Variants in SLC41A2 observed in about 807,000 individuals in gnomAD.
SLC41A2 encodes the protein solute carrier family 41 member 2.
Under a neutral mutation model 58.3 loss-of-function variants are expected in SLC41A2, and 32 were observed. That is an observed-to-expected ratio of 0.55 (90% CI 0.41 to 0.74). The LOEUF is 0.74. Ranked by LOEUF, SLC41A2 falls within the 30% of genes least tolerant of loss-of-function variation. The pLI, the probability that SLC41A2 is intolerant of heterozygous loss-of-function variation, is 0.00. For missense variants in SLC41A2, 514 were observed against 680.6 expected (o/e 0.76, Z 2.72); for synonymous variants, 190 against 235.0 (o/e 0.81, Z 1.75).
intron 1 of SLC41A2, among the ~76,000 whole-genome samples, chr12:104,953,499 T>C (rs1441849844): frequency 6.6e-6 from 1 of 152,236 alleles, no homozygotes; most frequent in Non-Finnish European, 1.5e-5. Context: ...GGTCAACTGT[T>C]CAGACAGGCT....
chr12:104,914,072 A>G (rs991115165), intron 2 of SLC41A2, among the ~76,000 whole-genome samples: 1 of 151,736 alleles, frequency 6.6e-6, no homozygotes, highest in Admixed American at 6.6e-5. Context: ...AAAAAAAAGA[A>G]AAAAAAAAGT....
intron 2 of SLC41A2, among the ~76,000 whole-genome samples, chr12:104,925,847 T>G (rs2046816012): frequency 6.6e-6 from 1 of 152,198 alleles, no homozygotes; most frequent in Admixed American, 6.5e-5. Flanking sequence ...AATTGGTATC[T>G]CAAGAAAAAA....
chr12:104,929,297 G>T (rs1341609573), intron 1 of SLC41A2, among the ~76,000 whole-genome samples: 2 of 152,138 alleles, frequency 1.3e-5, no homozygotes, highest in African/African-American at 4.8e-5. Context: ...GTAGTTCTGA[G>T]ATATAAAAGC....
intron 4 of SLC41A2, among the ~76,000 whole-genome samples, chr12:104,889,553 A>G (rs1445543233): frequency 6.6e-6 from 1 of 152,226 alleles, no homozygotes; most frequent in Non-Finnish European, 1.5e-5. Context: ...TGGATTTTAT[A>G]ATAGAAAGAT....
chr12:104,918,533 A>G (rs1703179867), intron 2 of SLC41A2, among the ~76,000 whole-genome samples: 1 of 151,924 alleles, frequency 6.6e-6, no homozygotes, highest in Admixed American at 6.6e-5. Context: ...CAAAGTGAAG[A>G]GCAACATTAT....
At chr12:104,882,001 G>A (rs369383037) in intron 6 of SLC41A2, among the ~76,000 whole-genome samples, 1 of 152,172 alleles carries the variant, frequency 6.6e-6, no homozygotes, top group Non-Finnish European at 1.5e-5. Context: ...GGGTGCTCCT[G>A]TATTGGGTGC....
chr12:104,880,382 C>T lies in SLC41A2; in HGVS notation c.1027+5911G>A, dbSNP rs138002270. On this transcript the variant is annotated intron_variant, in intron 6 of 10. Coordinates refer to ENST00000258538, the MANE Select transcript of SLC41A2 (RefSeq NM_001352171.3). ...ATAGGAGTGGTGAGAGAGGGCATCC[C>T]TGTCTTGTCACACTTTTCAAAGGGA... Among the ~76,000 whole-genome samples the T allele has an allele frequency of 5.9e-3, 894 of 152,284 alleles. 17 individuals carry two copies. Among genetic ancestry groups the T allele is most frequent in the African/African-American group, 0.02 (840 of 41,544 alleles).
At chr12:104,873,537 C>T (rs1299967025) in intron 6 of SLC41A2, among the ~76,000 whole-genome samples, 3 of 152,196 alleles carry the variant, frequency 2.0e-5, no homozygotes, top group Non-Finnish European at 2.9e-5. Context: ...CCTTTGGATA[C>T]ATACCCAAAA....
chr12:104,941,165 T>C (rs976626268), intron 1 of SLC41A2, among the ~76,000 whole-genome samples: 6 of 152,168 alleles, frequency 3.9e-5, no homozygotes. Flanking sequence ...ATTCCTGAAT[T>C]ATCTGCACAA....
chr12:104,817,581 T>C (rs2041463782), intron 10 of SLC41A2, among the ~76,000 whole-genome samples: 1 of 152,118 alleles, frequency 6.6e-6, no homozygotes, highest in African/African-American at 2.4e-5. Flanking sequence ...TTTTATTTTT[T>C]CTTTGCCTCT....
intron 8 of SLC41A2, among the ~76,000 whole-genome samples, chr12:104,860,273 A>C (rs989488993): frequency 1.3e-5 from 2 of 151,714 alleles, no homozygotes; most frequent in Non-Finnish European, 2.9e-5. Context: ...AGGACAAATA[A>C]CTCATGCATG....
At chr12:104,892,716 C>T (rs2045074784) in intron 4 of SLC41A2, among the ~76,000 whole-genome samples, 3 of 152,238 alleles carry the variant, frequency 2.0e-5, no homozygotes, top group Middle Eastern at 3.4e-3. Flanking sequence ...CTACAGTGAA[C>T]TCATTTTTGC....
chr12:104,939,411 T>C (rs2047412286), intron 1 of SLC41A2, among the ~76,000 whole-genome samples: 2 of 152,134 alleles, frequency 1.3e-5, no homozygotes, highest in South Asian at 4.1e-4. Flanking sequence ...TTCCCCAGGC[T>C]GGTCTCAAAC....
intron 6 of SLC41A2, among the ~76,000 whole-genome samples, chr12:104,883,579 C>T (rs1185761154): frequency 6.6e-6 from 1 of 152,148 alleles, no homozygotes; most frequent in African/African-American, 2.4e-5. Context: ...TCAGGACCCT[C>T]AGCTGCAGGT....
At chr12:104,921,503 GA>G (rs77935345) in intron 2 of SLC41A2, among the ~76,000 whole-genome samples, 11,309 of 133,798 alleles carry the variant, frequency 0.085, 469 homozygotes, top group Middle Eastern at 0.12. Context: ...AATTTGAAAA[GA>G]AAAAAAAAAA....
In SLC41A2 at chr12:104,947,194, C is replaced by CTTTTTTTTTTTTTTTTTTTTTTTTTTTTT. The variant is rs1491116311; in HGVS notation, c.-168+10893_-168+10894insAAAAAAAAAAAAAAAAAAAAAAAAAAAAA. Among the ~76,000 whole-genome samples the CTTTTTTTTTTTTTTTTTTTTTTTTTTTTT allele has an allele frequency of 7.5e-5, 4 of 53,668 alleles. 2 individuals are homozygous for CTTTTTTTTTTTTTTTTTTTTTTTTTTTTT. The highest frequency in any genetic ancestry group is 1.5e-4 in the African/African-American group (2 of 13,136). The allele number at this position is 53,668 out of a possible 152,430, so 35.2% of individuals were successfully genotyped here. A position where few individuals can be genotyped will look rare whatever the true frequency, so the allele number is the denominator to read the frequency against. ...CTGAATTTCTGGCTTTTATTTTTGTCCTTTTTTTTTTTTTTTTTTTTTTTT... is the reference window on the plus strand; with the variant it reads ...CTGAATTTCTGGCTTTTATTTTTGTCTTTTTTTTTTTTTTTTTTTTTTTTTTTTTCTTTTTTTTTTTTTTTTTTTTTTTT... On this transcript the variant is annotated intron_variant, in intron 1 of 10. Coordinates refer to ENST00000258538, the MANE Select transcript of SLC41A2 (RefSeq NM_001352171.3).
At chr12:104,909,868 A>C in intron 2 of SLC41A2, 106 bp from the exon 3 acceptor site, 1 of 683,190 alleles carries the variant, frequency 1.5e-6, no homozygotes, top group Non-Finnish European at 2.4e-6. Flanking sequence ...TGGCATCTAC[A>C]TTTTGAATAA....
In SLC41A2 at chr12:104,803,483, G is replaced by C. The variant is rs1022576227; in HGVS notation, c.*1669C>G. On this transcript the variant is annotated 3_prime_UTR_variant, in exon 11 of 11. Coordinates refer to ENST00000258538, the MANE Select transcript of SLC41A2 (RefSeq NM_001352171.3). Reference sequence around the variant, plus strand: ...TAAACCACAGTCCCCTCATTTAAAAGAGCTTAACAAGAATACTTTCTGCAA... The same window carrying C: ...TAAACCACAGTCCCCTCATTTAAAACAGCTTAACAAGAATACTTTCTGCAA... 6.6e-6 allele frequency: 1 copy of C among 151,998 alleles called. No homozygotes were observed. The highest frequency in any genetic ancestry group is 1.5e-5 in the Non-Finnish European group (1 of 67,974). The allele number at this position is 151,998 out of a possible 1,614,324, so 9.4% of individuals were successfully genotyped here. A position where few individuals can be genotyped will look rare whatever the true frequency, so the allele number is the denominator to read the frequency against.
At chr12:104,925,258 C>A (rs1313248036) in intron 2 of SLC41A2, among the ~76,000 whole-genome samples, 2 of 152,162 alleles carry the variant, frequency 1.3e-5, no homozygotes, top group Non-Finnish European at 2.9e-5. Flanking sequence ...CAAATAAAGT[C>A]TTTAAAAATA....
Sources: allele counts gnomAD v4.1 joint callset (sites outside exome capture counted in the v4.1 genomes callset), GRCh38; gene constraint gnomAD v4.1.1; transcripts MANE v1.5; gene names NCBI Gene and HGNC (gene_info 2026-07-23, HGNC 2026-07-21).